The following CCT6B variants were observed in gnomAD, a reference collection of about 807,000 sequenced individuals.
CCT6B encodes the protein probable T-complex protein 1 subunit zeta-2.
CCT6B carries 49 observed loss-of-function variants against 61.5 expected under a neutral mutation model. The ratio of observed to expected loss-of-function variants is 0.80; its 90% CI spans 0.63 to 1.01. The LOEUF (loss-of-function observed/expected upper bound fraction) is 1.01. Ranked by LOEUF, CCT6B falls within the 50% of genes least tolerant of loss-of-function variation. The pLI is 0.00. For synonymous variants in CCT6B, 228 were observed against 214.5 expected (o/e 1.06, Z -0.55); for missense variants, 666 against 634.7 (o/e 1.05, Z -0.53).
chr17:34,933,413 G>A (rs375247394), intron 10 of CCT6B, among the ~76,000 whole-genome samples: 1 of 152,090 alleles, frequency 6.6e-6, no homozygotes, highest in East Asian at 1.9e-4. Flanking sequence ...AAAACAATAC[G>A]AAAACAATCT....
Position 34,942,908 on chromosome 17 carries a change from TATTA to T in CCT6B, c.615-6_615-3del. ...TCCAAAACTAATCCTTGGATCAACCTATTAAAAATATTAATGTTTCTTACTTTGA... is the reference window on the plus strand; with the variant it reads ...TCCAAAACTAATCCTTGGATCAACCTAAAATATTAATGTTTCTTACTTTGA... On this transcript the variant is annotated splice_polypyrimidine_tract_variant and splice_region_variant and intron_variant, in intron 5 of 13. Coordinates refer to ENST00000314144, the MANE Select transcript of CCT6B (RefSeq NM_006584.4). The T allele has an allele frequency of 5.4e-6, 8 of 1,490,374 alleles. No individual in the cohort carries two copies. Among genetic ancestry groups the T allele is most frequent in the Non-Finnish European group, 7.4e-6 (8 of 1,086,030 alleles). 92.3% of individuals were successfully genotyped at this position (1,490,374 alleles called of 1,614,324 possible). A position where few individuals can be genotyped will look rare whatever the true frequency, so the allele number is the denominator to read the frequency against.
chr17:34,954,429 T>C lies in CCT6B; in HGVS notation c.507A>G (p.Thr169=), dbSNP rs774335988. ...KVHAELADVL[T]EVVVDSVLAV... Reference sequence around the variant, plus strand: ...ATGCAAAAGTTTAATAACATACCTCTGTTAAGACATCAGCCAGTTCAGCAT... The same window carrying C: ...ATGCAAAAGTTTAATAACATACCTCCGTTAAGACATCAGCCAGTTCAGCAT... The change falls in exon 4 of 14, where the codon ACA becomes ACG. Residue 169 remains threonine (T), a synonymous_variant. Transcript: ENST00000314144. The C allele has an allele frequency of 2.4e-5, 38 of 1,602,054 alleles. No individual in the cohort carries two copies. The South Asian group carries it at 3.6e-4, about 15-fold the overall frequency.
chr17:34,949,157 TAGAAA>T (rs1488931787), intron 5 of CCT6B, among the ~76,000 whole-genome samples: 4 of 142,044 alleles, frequency 2.8e-5, no homozygotes, highest in Admixed American at 7.0e-5. Flanking sequence ...GAGAAAATCA[TAGAAA>T]AGAAAAGAAA....
At chr17:34,950,512 T>C (rs1035285279) in intron 5 of CCT6B, among the ~76,000 whole-genome samples, 1 of 152,222 alleles carries the variant, frequency 6.6e-6, no homozygotes, top group Non-Finnish European at 1.5e-5. Context: ...AGGATATTTA[T>C]GAACACTTTA....
chr17:34,935,867 A>T (rs1225619888), intron 10 of CCT6B, among the ~76,000 whole-genome samples: 1 of 151,944 alleles, frequency 6.6e-6, no homozygotes, highest in Admixed American at 6.6e-5. Context: ...AAAAGAAAAA[A>T]AAAAAAATCA....
chr17:34,930,876 C>T (rs2090027310), intron 12 of CCT6B, 73 bp downstream of exon 12: 1 of 707,362 alleles, frequency 1.4e-6, no homozygotes, highest in Non-Finnish European at 2.5e-6. Flanking sequence ...AACCTCTACT[C>T]CTTTACCATA....
At chr17:34,953,561 C>G (rs1020488883) in intron 4 of CCT6B, among the ~76,000 whole-genome samples, 6 of 151,988 alleles carry the variant, frequency 3.9e-5, no homozygotes, top group African/African-American at 1.4e-4. Context: ...AACTCCTGAC[C>G]TCAGGTCGTC....
intron 1 of CCT6B, among the ~76,000 whole-genome samples, chr17:34,960,878 C>A (rs894543221): frequency 6.6e-6 from 1 of 152,210 alleles, no homozygotes; most frequent in Non-Finnish European, 1.5e-5. Flanking sequence ...GTCCTCTCCA[C>A]TACAATACAT....
At chr17:34,957,143 ATTTTTT>A (rs57459236) in intron 3 of CCT6B, among the ~76,000 whole-genome samples, 1 of 102,300 alleles carries the variant, frequency 9.8e-6, no homozygotes. Context: ...TTTTCTTTCC[ATTTTTT>A]TTTTTTTTTT....
intron 3 of CCT6B, among the ~76,000 whole-genome samples, chr17:34,957,319 T>C (rs774911321): frequency 6.6e-6 from 1 of 151,902 alleles, no homozygotes; most frequent in Non-Finnish European, 1.5e-5. Flanking sequence ...TAATTTTGTA[T>C]TTTTAGCAGA....
intron 5 of CCT6B, among the ~76,000 whole-genome samples, chr17:34,947,530 T>G (rs1254899165): frequency 6.6e-6 from 1 of 152,100 alleles, no homozygotes; most frequent in Non-Finnish European, 1.5e-5. Flanking sequence ...GCCAACCTAG[T>G]AAACACACAA....
At chr17:34,930,897 A>G in intron 12 of CCT6B, 52 bp downstream of exon 12, 3 of 881,830 alleles carry the variant, frequency 3.4e-6, no homozygotes, top group East Asian at 2.5e-5. Flanking sequence ...AGATCTGGGT[A>G]ACTAAAGAAT....
chr17:34,958,513 A>G, intron 3 of CCT6B, 47 bp downstream of exon 3: 1 of 1,257,244 alleles, frequency 8.0e-7, no homozygotes, highest in South Asian at 2.0e-5. Flanking sequence ...TAGTTAAAAA[A>G]ATAATTTGCC....
intron 13 of CCT6B, 58 bp from the exon 14 acceptor site, chr17:34,928,175 C>G: frequency 9.0e-7 from 1 of 1,114,418 alleles, no homozygotes; most frequent in Non-Finnish European, 1.3e-6. Context: ...AGCTTTTTTC[C>G]CCAGCAATCT....
Position 34,931,003 on chromosome 17 carries a change from CT to C in CCT6B, c.1395del (p.Val466PhefsTer14), listed in dbSNP as rs534850160. 1.9e-4 allele frequency: 307 copies of C among 1,605,152 alleles called. 5 individuals are homozygous for C. In the South Asian group the frequency reaches 3.3e-3, roughly 17 times the overall value. On this transcript the variant is annotated frameshift_variant, in exon 12 of 14. Coordinates refer to ENST00000314144, the MANE Select transcript of CCT6B (RefSeq NM_006584.4). LOFTEE classifies it high-confidence loss of function. ...AGYDPQETLV[K>X]VQAEHVESKQ... ...TTTGACTCGACATGCTCAGCCTGAACTTTTACTAATGTTTCCTGTGGGTCAT... is the reference window on the plus strand; with the variant it reads ...TTTGACTCGACATGCTCAGCCTGAACTTTACTAATGTTTCCTGTGGGTCAT...
At position 34,942,530 on chromosome 17, in the gene CCT6B, T is replaced by C. The variant is rs2090175436; in HGVS notation, c.839A>G (p.Lys280Arg). ...RVQKIIDLKD[K>R]VCAQSNKGFV... is the part of the protein sequence containing the mutation. Reference sequence around the variant, plus strand: ...TCCTTTATTTGACTGAGCACAGACTTTGTCCTTCAGGTCTATTATTTTTTG... The same window carrying C: ...TCCTTTATTTGACTGAGCACAGACTCTGTCCTTCAGGTCTATTATTTTTTG... Residue 280 changes from lysine (K) to arginine (R), a missense_variant, in exon 7 of 14, where the codon AAA becomes AGA. Physicochemically the swap from Lys to Arg is conservative, Grantham distance 26. Coordinates refer to ENST00000314144, the MANE Select transcript of CCT6B (RefSeq NM_006584.4). 2 of 1,603,188 alleles carry C rather than the reference T, an allele frequency of 1.2e-6. No homozygotes were observed. Among genetic ancestry groups the C allele is most frequent in the Non-Finnish European group, 1.7e-6 (2 of 1,177,384 alleles).
At chr17:34,944,221 A>G (rs1463898503) in intron 5 of CCT6B, 1 of 152,170 alleles carries the variant, frequency 6.6e-6, no homozygotes, top group African/African-American at 2.4e-5. Context: ...TTGAGAAAAT[A>G]GAAACATTGT....
intron 5 of CCT6B, among the ~76,000 whole-genome samples, chr17:34,951,094 TAA>T (rs2090286376): frequency 6.6e-6 from 1 of 151,966 alleles, no homozygotes; most frequent in African/African-American, 2.4e-5. Flanking sequence ...TAACAGAGAC[TAA>T]AAGAGATATC....
At chr17:34,944,654 C>T (rs1387667891) in intron 5 of CCT6B, among the ~76,000 whole-genome samples, 3 of 152,224 alleles carry the variant, frequency 2.0e-5, no homozygotes, top group East Asian at 1.9e-4. Flanking sequence ...CAGCCAGGCG[C>T]GGCGGCTCAC....
Sources: gnomAD v4.1 joint callset for allele counts (sites outside exome capture counted in the v4.1 genomes callset) on GRCh38, gnomAD v4.1.1 for gene constraint, MANE v1.5 for transcripts, NCBI Gene and HGNC (gene_info 2026-07-23, HGNC 2026-07-21) for gene names.